The following TPO variants were observed in gnomAD, a reference collection of about 807,000 sequenced individuals.
TPO encodes the protein thyroid microsomal antigen.
In TPO, 78 loss-of-function variants were observed where a neutral mutation model predicts 96.9. The ratio of observed to expected loss-of-function variants is 0.81; its 90% CI spans 0.67 to 0.97. TPO has a LOEUF of 0.97. Ranked by LOEUF, TPO falls within the 50% of genes least tolerant of loss-of-function variation. TPO has a pLI of 0.00. For synonymous variants in TPO, 547 were observed against 538.0 expected, an observed-to-expected ratio of 1.02 and a Z score of -0.23; for missense variants, 1,252 against 1,274.8, an observed-to-expected ratio of 0.98 and a Z score of 0.27.
At chr2:1,511,984 G>A (rs2125051855) in intron 14 of TPO, among the ~76,000 whole-genome samples, 1 of 152,128 alleles carries the variant, frequency 6.6e-6, no homozygotes, top group Admixed American at 6.5e-5. Flanking sequence ...CAAACGTCTT[G>A]TTTTAGTTTT....
chr2:1,534,021 CCAA>C (rs1558431780), intron 15 of TPO, among the ~76,000 whole-genome samples: 1 of 100,040 alleles, frequency 1.0e-5, no homozygotes, highest in Non-Finnish European at 2.2e-5. Context: ...CAAATCCCCC[CCAA>C]TCTGTGCAAC....
At chr2:1,527,718 G>C (rs1330885005) in intron 15 of TPO, among the ~76,000 whole-genome samples, 5 of 120,352 alleles carry the variant, frequency 4.2e-5, no homozygotes, top group Non-Finnish European at 1.6e-5. Context: ...TCCCGCCACT[G>C]TGTGCAACCT....
Position 1,493,920 on chromosome 2 carries a change from T to A in TPO, c.1887T>A (p.Pro629=). The A allele has an allele frequency of 6.2e-7, 1 of 1,614,208 alleles. No individual in the cohort carries two copies. The highest frequency in any genetic ancestry group is 8.5e-7 in the Non-Finnish European group (1 of 1,180,038). ...ADKILDLYKH[P]DNIDVWLGGL... ...AGATCCTGGACTTGTACAAGCATCC[T>A]GACAACATCGATGTCTGGCTGGGAG... is the stretch of plus-strand genomic sequence containing the variant. Residue 629 remains proline (P), a synonymous_variant, in exon 11 of 17, where the codon CCT becomes CCA. Transcript: ENST00000329066.
At chr2:1,395,141 A>G (rs1662061046) in intron 1 of TPO, among the ~76,000 whole-genome samples, 1 of 152,100 alleles carries the variant, frequency 6.6e-6, no homozygotes, top group African/African-American at 2.4e-5. Flanking sequence ...CTCTTTCTCT[A>G]AATCTCCAGG....
chr2:1,492,214 G>A (rs961757628), intron 10 of TPO, among the ~76,000 whole-genome samples: 1 of 152,172 alleles, frequency 6.6e-6, no homozygotes, highest in Non-Finnish European at 1.5e-5. Context: ...GAGAGCAATG[G>A]GGTGATCTCG....
intron 15 of TPO, among the ~76,000 whole-genome samples, chr2:1,520,897 A>T (rs1161468235): frequency 1.3e-5 from 2 of 152,220 alleles, no homozygotes; most frequent in Non-Finnish European, 2.9e-5. Flanking sequence ...CTTAAATTTC[A>T]TGAAGACTTT....
At chr2:1,433,213 A>C (rs1352105582) in intron 3 of TPO, among the ~76,000 whole-genome samples, 1 of 152,156 alleles carries the variant, frequency 6.6e-6, no homozygotes, top group Non-Finnish European at 1.5e-5. Context: ...CATTTTCCTC[A>C]TCATTCAATA....
Position 1,493,966 on chromosome 2 carries a change from C to G in TPO, c.1933C>G (p.Pro645Ala). 1.2e-6 allele frequency: 2 copies of G among 1,614,178 alleles called. No individual in the cohort carries two copies. The highest frequency in any genetic ancestry group is 1.7e-6 in the Non-Finnish European group (2 of 1,180,040). The change falls in exon 11 of 17, where the codon CCC (proline) becomes GCC (alanine). Residue 645 changes from proline (P) to alanine (A), a missense_variant. Physicochemically the swap from Pro to Ala is conservative, Grantham distance 27 (BLOSUM62 -1). Coordinates refer to ENST00000329066, the MANE Select transcript of TPO (RefSeq NM_001206744.2). Reference sequence around the variant, plus strand: ...GGGAGGCTTAGCTGAAAACTTCCTCCCCAGGGCTCGGACAGGGCCCCTGTT... The same window carrying G: ...GGGAGGCTTAGCTGAAAACTTCCTCGCCAGGGCTCGGACAGGGCCCCTGTT... ...WLGGLAENFLPRARTGPLFAC... is the reference protein window; with the variant it reads ...WLGGLAENFLARARTGPLFAC...
chr2:1,511,256 G>A (rs4927586), intron 14 of TPO, among the ~76,000 whole-genome samples: 2,543 of 29,802 alleles, frequency 0.085, 84 homozygotes, highest in African/African-American at 0.14. Flanking sequence ...GTGCCACAGC[G>A]CAGCCCTGCA....
chr2:1,532,119 C>A (rs1307158653), intron 15 of TPO, among the ~76,000 whole-genome samples: 6 of 122,172 alleles, frequency 4.9e-5, no homozygotes, highest in South Asian at 6.4e-4. Flanking sequence ...AATCCCCCCA[C>A]TGTGCGCAAC....
chr2:1,394,302 A>G lies in TPO; in HGVS notation n.180+19900A>G, dbSNP rs527610997. On this transcript the variant is annotated intron_variant and non_coding_transcript_variant, in intron 1 of 5. Transcript: ENST00000497517. Reference sequence around the variant, plus strand: ...ATATAAGAACCTTGTAATGGAACGTATAAAGGGGAAATTGACTCTCAGACA... The same window carrying G: ...ATATAAGAACCTTGTAATGGAACGTGTAAAGGGGAAATTGACTCTCAGACA... 7.7e-4 allele frequency among the ~76,000 whole-genome samples: 118 copies of G among 152,360 alleles called. 1 individual carries two copies. Among genetic ancestry groups the G allele is most frequent in the African/African-American group, 2.7e-3 (113 of 41,586 alleles).
At chr2:1,523,701 C>A (rs1367683947) in intron 15 of TPO, among the ~76,000 whole-genome samples, 2 of 124,618 alleles carry the variant, frequency 1.6e-5, no homozygotes, top group African/African-American at 3.0e-5. Context: ...TCCCCAAATC[C>A]CCCCCACTGT....
intron 16 of TPO, 49 bp from the exon 17 acceptor site, chr2:1,542,372 G>C: frequency 1.2e-6 from 2 of 1,610,892 alleles, no homozygotes; most frequent in African/African-American, 2.7e-5. Flanking sequence ...GCTGTTACTG[G>C]AGCAGTCAGA....
In TPO at chr2:1,513,046, C is replaced by T. The variant is rs113605714; in HGVS notation, c.2519-3837C>T. On this transcript the variant is annotated intron_variant, in intron 14 of 16. Coordinates refer to ENST00000329066, the MANE Select transcript of TPO (RefSeq NM_001206744.2). ...TGCAAGCAGCCGTCAGTGCCCTCTC[C>T]GTACAGATGGCGCAGCCATCAGTGC... is the stretch of plus-strand genomic sequence containing the variant. 6.1e-3 allele frequency among the ~76,000 whole-genome samples: 926 copies of T among 152,298 alleles called. 9 individuals are homozygous for T. Among genetic ancestry groups the T allele is most frequent in the African/African-American group, 0.019 (777 of 41,566 alleles).
chr2:1,398,368 G>C (rs373042081), intron 1 of TPO, among the ~76,000 whole-genome samples: 17 of 152,292 alleles, frequency 1.1e-4, no homozygotes, highest in African/African-American at 4.1e-4. Context: ...GGCACGGCTG[G>C]AAACTTGTGG....
At chr2:1,525,951 TGTTTACAACCTTCCCAAATCTC>T in intron 15 of TPO, among the ~76,000 whole-genome samples, 1 of 82,474 alleles carries the variant, frequency 1.2e-5, no homozygotes, top group Non-Finnish European at 2.3e-5. Flanking sequence ...ATCCCCCGAC[TGTTTACAACCTTCCCAAATCTC>T]CCCACTGTGA....
chr2:1,540,715 T>A lies in TPO; in HGVS notation c.2740T>A (p.Ser914Thr), dbSNP rs147446248. The stretch of plus-strand genomic sequence containing the variant: ...ACCGCAGCGGGCCGCAGCTCAGGAC[T>A]CGGAGCAGGTGGGCCACACCATGCC... ...TSPQRAAAQDSEQESAGMEGR... is the reference protein window; with the variant it reads ...TSPQRAAAQDTEQESAGMEGR... The change falls in exon 16 of 17, where the codon TCG (serine) becomes ACG (threonine). Residue 914 changes from serine (S) to threonine (T), a missense_variant. Ser to Thr is a moderately conservative substitution (Grantham distance 58). Coordinates refer to ENST00000329066, the MANE Select transcript of TPO (RefSeq NM_001206744.2). The A allele has an allele frequency of 3.1e-6, 5 of 1,613,276 alleles. No individual in the cohort carries two copies. The African/African-American group carries it at 6.7e-5, about 22-fold the overall frequency.
At chr2:1,513,412 A>G (rs545323424) in intron 14 of TPO, 1 of 152,344 alleles carries the variant, frequency 6.6e-6, no homozygotes, top group East Asian at 1.9e-4. Flanking sequence ...AGATTCATAA[A>G]CAGGTGCCAC....
chr2:1,377,275 G>A (rs1661736166), intron 1 of TPO, among the ~76,000 whole-genome samples: 1 of 152,204 alleles, frequency 6.6e-6, no homozygotes, highest in African/African-American at 2.4e-5. Context: ...AAAGTCGTAT[G>A]CATTGGAATA....
Sources: allele counts gnomAD v4.1 joint callset (sites outside exome capture counted in the v4.1 genomes callset), GRCh38; gene constraint gnomAD v4.1.1; transcripts MANE v1.5; gene names NCBI Gene and HGNC (gene_info 2026-07-23, HGNC 2026-07-21).